The following RERE variants were observed in gnomAD, a reference collection of about 807,000 sequenced individuals.
The protein encoded by RERE is arginine-glutamic acid dipeptide repeats protein.
In RERE, 40 loss-of-function variants were observed where a neutral mutation model predicts 146.1. The observed-to-expected ratio is 0.27, with a 90% CI of 0.21 to 0.36. The LOEUF (loss-of-function observed/expected upper bound fraction) is 0.36. RERE is among the 10% of genes least tolerant of loss of function. RERE has a pLI of 1.00. For missense variants in RERE, 1,933 were observed against 2,138.7 expected, an observed-to-expected ratio of 0.90 and a Z score of 1.90; for synonymous variants, 1,003 against 866.0, an observed-to-expected ratio of 1.16 and a Z score of -2.78.
At chr1:8,530,409 T>G (rs1315331176) in intron 7 of RERE, among the ~76,000 whole-genome samples, 1 of 152,228 alleles carries the variant, frequency 6.6e-6, no homozygotes, top group Non-Finnish European at 1.5e-5. Context: ...GAAAATTGCC[T>G]AAGTTTTATC....
At chr1:8,463,676 G>A (rs1474961760) in intron 11 of RERE, among the ~76,000 whole-genome samples, 1 of 152,196 alleles carries the variant, frequency 6.6e-6, no homozygotes, top group Non-Finnish European at 1.5e-5. Flanking sequence ...GGCTAGCGAG[G>A]GGCTGGGAGG....
chr1:8,429,141 A>G (rs1416228264), intron 11 of RERE, among the ~76,000 whole-genome samples: 1 of 152,230 alleles, frequency 6.6e-6, no homozygotes, highest in African/African-American at 2.4e-5. Flanking sequence ...GCTCTAATGC[A>G]CTAGCTCATT....
At chr1:8,505,939 T>C (rs922139162) in intron 8 of RERE, among the ~76,000 whole-genome samples, 1 of 152,228 alleles carries the variant, frequency 6.6e-6, no homozygotes, top group African/African-American at 2.4e-5. Context: ...TAAAATCTGA[T>C]GTAAAAAACC....
rs781369484 is a variant in RERE at position 8,360,169 on chromosome 1, C to G, written c.3338G>C (p.Ser1113Thr). 6.3e-7 allele frequency: 1 copy of G among 1,599,708 alleles called. No individual in the cohort carries two copies. The highest frequency in any genetic ancestry group is 1.1e-5 in the South Asian group (1 of 89,120). ...CACCACAGTGGGCTCCGGGGACGGG[C>G]TCCTTGGTGGGGGAGGGGGGCTCTC... Reference protein sequence around the residue: ...EPESPPPPPRSPSPEPTVVDT... With the variant: ...EPESPPPPPRTPSPEPTVVDT... The change falls in exon 18 of 23, where the codon AGC (serine) becomes ACC (threonine). Residue 1113 changes from serine (S) to threonine (T), a missense_variant. This residue lies in a region of RERE where 1,255 missense variants were observed against 1,153.8 expected (regional missense o/e 1.09). Transcript: ENST00000400908.
At position 8,665,646 on chromosome 1, in the gene RERE, A is replaced by G. The variant is rs905394659; in HGVS notation, c.-144-9205T>C. Among the ~76,000 whole-genome samples, 6 of 152,314 alleles carry G rather than the reference A, an allele frequency of 3.9e-5. No individual in the cohort carries two copies. The South Asian group carries it at 1.2e-3, about 32-fold the overall frequency. ...GAGTGTTCAGTTAAATAGCAGCTAC[A>G]GGGGAAAAAGAGCAGTACAAAGTAA... is the stretch of plus-strand genomic sequence containing the variant. On this transcript the variant is annotated intron_variant, in intron 1 of 22. Transcript: ENST00000400908.
At chr1:8,656,637 C>T (rs770029219) in intron 1 of RERE, among the ~76,000 whole-genome samples, 196 bp from the exon 2 acceptor site, 15 of 152,094 alleles carry the variant, frequency 9.9e-5, no homozygotes, top group Non-Finnish European at 1.6e-4. Flanking sequence ...TTTTATGACA[C>T]CAATAATAAA....
At chr1:8,800,096 G>A (rs1314846957) in intron 1 of RERE, among the ~76,000 whole-genome samples, 4 of 152,058 alleles carry the variant, frequency 2.6e-5, no homozygotes, top group Non-Finnish European at 5.9e-5. Context: ...TTACAGGCGT[G>A]AGCCACCGCA....
chr1:8,618,132 A>G (rs1477413883), intron 3 of RERE, among the ~76,000 whole-genome samples: 1 of 152,248 alleles, frequency 6.6e-6, no homozygotes, highest in Non-Finnish European at 1.5e-5. Flanking sequence ...CAATGTGCTA[A>G]GCACACAATA....
rs59816060 is a variant in RERE at position 8,600,750 on chromosome 1, CTTT to C, written c.522+13808_522+13810del. The stretch of plus-strand genomic sequence containing the variant: ...AAATTACACTGAAAACAAGCCAATA[CTTT>C]TTTTTTTTTTTTTTTTTTTGAGACA... On this transcript the variant is annotated intron_variant, in intron 4 of 22. Transcript: ENST00000400908. Among the ~76,000 whole-genome samples the C allele has an allele frequency of 4.2e-3, 480 of 113,382 alleles. 1 individual carries two copies. The highest frequency in any genetic ancestry group is 9.1e-3 in the African/African-American group (261 of 28,590). 74.4% of individuals were successfully genotyped at this position (113,382 alleles called of 152,430 possible).
chr1:8,490,343 C>CAAAAAAAAA (rs530925995), intron 10 of RERE, among the ~76,000 whole-genome samples: 2 of 75,390 alleles, frequency 2.7e-5, no homozygotes, highest in African/African-American at 9.0e-5. Flanking sequence ...GGCAACATCT[C>CAAAAAAAAA]AAAAAAAAAA....
intron 22 of RERE, 115 bp downstream of exon 22, chr1:8,355,304 T>C: frequency 3.2e-6 from 4 of 1,236,744 alleles, no homozygotes; most frequent in Non-Finnish European, 3.4e-6. Context: ...GGTTCCACAA[T>C]GTCCCCTCCA....
chr1:8,639,110 A>G (rs1647142077), intron 2 of RERE, among the ~76,000 whole-genome samples: 1 of 152,178 alleles, frequency 6.6e-6, no homozygotes, highest in Non-Finnish European at 1.5e-5. Context: ...AATATTATAA[A>G]TGTACTCAAA....
intron 7 of RERE, among the ~76,000 whole-genome samples, chr1:8,539,483 G>A (rs1346753395): frequency 6.6e-6 from 1 of 151,732 alleles, no homozygotes; most frequent in Non-Finnish European, 1.5e-5. Flanking sequence ...TCGGCTTACT[G>A]CAACCTCCGC....
Position 8,725,951 on chromosome 1 carries a change from C to G in RERE, c.-144-69510G>C, listed in dbSNP as rs562967560. Among the ~76,000 whole-genome samples the G allele has an allele frequency of 9.2e-5, 13 of 140,854 alleles. No individual in the cohort carries two copies. The East Asian group carries it at 2.0e-3, about 21-fold the overall frequency. 92.4% of individuals were successfully genotyped at this position (140,854 alleles called of 152,430 possible). A position where few individuals can be genotyped will look rare whatever the true frequency, so the allele number is the denominator to read the frequency against. ...TTAAAAAGTTGTTTAAAAAAAAAGT[C>G]AAAATAAGTCAAACTCTTCCCATTT... On this transcript the variant is annotated intron_variant, in intron 1 of 22. Transcript: ENST00000400908.
intron 6 of RERE, among the ~76,000 whole-genome samples, chr1:8,550,096 T>C (rs184089751): frequency 3.3e-5 from 5 of 152,330 alleles, no homozygotes; most frequent in East Asian, 3.9e-4. Context: ...TGTACTATAG[T>C]TGTAGAAGAA....
intron 1 of RERE, among the ~76,000 whole-genome samples, chr1:8,800,126 T>C (rs1192825944): frequency 6.6e-6 from 1 of 152,116 alleles, no homozygotes; most frequent in African/African-American, 2.4e-5. Flanking sequence ...TGTTGGTGTA[T>C]TTTATGTGTG....
intron 2 of RERE, among the ~76,000 whole-genome samples, chr1:8,650,389 C>T (rs779866524): frequency 1.6e-4 from 24 of 152,104 alleles, no homozygotes; most frequent in Admixed American, 6.5e-5. Context: ...GTAGTAAAAC[C>T]AATTCAGAGA....
At chr1:8,573,654 G>A (rs549571687) in intron 4 of RERE, among the ~76,000 whole-genome samples, 3 of 151,936 alleles carry the variant, frequency 2.0e-5, no homozygotes, top group East Asian at 3.9e-4. Flanking sequence ...AAATTATTTC[G>A]ATTACTCTGA....
At chr1:8,471,433 C>A (rs1029940390) in intron 10 of RERE, among the ~76,000 whole-genome samples, 3 of 151,950 alleles carry the variant, frequency 2.0e-5, no homozygotes, top group African/African-American at 7.3e-5. Flanking sequence ...CCACTTCAGC[C>A]GCCCAAGTAC....
Sources: allele counts gnomAD v4.1 joint callset (sites outside exome capture counted in the v4.1 genomes callset), GRCh38; gene constraint gnomAD v4.1.1; regional missense constraint gnomAD v4.1.1; transcripts MANE v1.5; gene names NCBI Gene and HGNC (gene_info 2026-07-23, HGNC 2026-07-21).